The following CDIN1 variants were observed in gnomAD, a reference collection of about 807,000 sequenced individuals.
CDIN1 encodes the protein CDAN1-interacting nuclease 1.
CDIN1 carries 33 observed loss-of-function variants against 45.3 expected under a neutral mutation model. The observed-to-expected ratio is 0.73, with a 90% CI of 0.55 to 0.97. The LOEUF is 0.97. Ranked by LOEUF, CDIN1 falls within the 50% of genes least tolerant of loss-of-function variation. CDIN1 has a pLI of 0.00. For synonymous variants in CDIN1, 118 were observed against 124.4 expected (o/e 0.95, Z 0.34); for missense variants, 303 against 339.4 (o/e 0.89, Z 0.84).
intron 1 of CDIN1, among the ~76,000 whole-genome samples, chr15:36,597,416 G>T (rs1442202817): frequency 6.6e-6 from 1 of 152,158 alleles, no homozygotes; most frequent in Non-Finnish European, 1.5e-5. Context: ...ATCTGTTAAT[G>T]CTGGCACTCA....
intron 10 of CDIN1, among the ~76,000 whole-genome samples, chr15:36,743,916 G>A (rs1174424546): frequency 4.6e-5 from 7 of 150,876 alleles, no homozygotes; most frequent in Non-Finnish European, 7.4e-5. Context: ...AAAAAAACAC[G>A]AGGCTGTCTG....
At chr15:36,593,785 C>T (rs547645844) in intron 1 of CDIN1, among the ~76,000 whole-genome samples, 7 of 152,138 alleles carry the variant, frequency 4.6e-5, no homozygotes, top group East Asian at 1.9e-4. Flanking sequence ...AGGATGGTCT[C>T]GATCTCCTGA....
intron 1 of CDIN1, among the ~76,000 whole-genome samples, chr15:36,616,120 C>T (rs1008985905): frequency 6.6e-6 from 1 of 152,158 alleles, no homozygotes; most frequent in Admixed American, 6.5e-5. Context: ...ATCTCTTAAC[C>T]ACCAGGCTGA....
chr15:36,612,475 A>G (rs572808276), intron 1 of CDIN1, among the ~76,000 whole-genome samples: 38 of 152,228 alleles, frequency 2.5e-4, no homozygotes, highest in Middle Eastern at 6.8e-3. Flanking sequence ...ACCTCACCCC[A>G]TCTATTAGAG....
chr15:36,761,842 G>A (rs2053771859), intron 10 of CDIN1, among the ~76,000 whole-genome samples: 1 of 152,252 alleles, frequency 6.6e-6, no homozygotes, highest in South Asian at 2.1e-4. Flanking sequence ...TCTTGAAAAG[G>A]CCCATTATTT....
chr15:36,751,758 CAAT>C (rs2140972574), intron 10 of CDIN1, among the ~76,000 whole-genome samples: 1 of 152,132 alleles, frequency 6.6e-6, no homozygotes, highest in Admixed American at 6.5e-5. Context: ...AAATGCCCAT[CAAT>C]GATACAGTGA....
chr15:36,706,155 G>A (rs1266255085), intron 8 of CDIN1: 2 of 151,948 alleles, frequency 1.3e-5, no homozygotes, highest in African/African-American at 2.4e-5. Flanking sequence ...TGATTCTCAA[G>A]GAAAACATAA....
At chr15:36,768,408 T>A (rs2141017454) in intron 10 of CDIN1, among the ~76,000 whole-genome samples, 1 of 152,338 alleles carries the variant, frequency 6.6e-6, no homozygotes, top group African/African-American at 2.4e-5. Flanking sequence ...AGACAGATCC[T>A]TCCACTCAGC....
At position 36,809,998 on chromosome 15, in the gene CDIN1, A is replaced by AAAT. The variant is rs2055346368; in HGVS notation, c.*1547_*1549dup. 6.6e-6 allele frequency: 1 copy of AAAT among 151,542 alleles called. No individual in the cohort carries two copies. Among genetic ancestry groups the AAAT allele is most frequent in the South Asian group, 2.1e-4 (1 of 4,804 alleles). 9.4% of individuals were successfully genotyped at this position (151,542 alleles called of 1,614,324 possible). ...AATTCATCATGCAGGCTTCTGAGTG[A>AAAT]AATAGAATGATTTGAAACCACTACT... On this transcript the variant is annotated 3_prime_UTR_variant, in exon 11 of 11. Coordinates refer to ENST00000566621, the MANE Select transcript of CDIN1 (RefSeq NM_001321759.2).
At chr15:36,749,690 CTG>C (rs1240492850) in intron 10 of CDIN1, among the ~76,000 whole-genome samples, 1 of 152,194 alleles carries the variant, frequency 6.6e-6, no homozygotes, top group Non-Finnish European at 1.5e-5. Context: ...AAAAGTACAT[CTG>C]TGTTTTTGTC....
chr15:36,808,590 C>A lies in CDIN1; in HGVS notation c.*137C>A. 8.7e-7 allele frequency: 1 copy of A among 1,144,706 alleles called. No individual in the cohort carries two copies. Among genetic ancestry groups the A allele is most frequent in the South Asian group, 1.5e-5 (1 of 66,010 alleles). The allele number at this position is 1,144,706 out of a possible 1,614,324, so 70.9% of individuals were successfully genotyped here. On this transcript the variant is annotated 3_prime_UTR_variant, in exon 11 of 11. Transcript: ENST00000566621. Reference sequence around the variant, plus strand: ...TTGCTGCCCGTAGTCACACCACTACCTCTTTAGACAAACATATCAAGAGTT... The same window carrying A: ...TTGCTGCCCGTAGTCACACCACTACATCTTTAGACAAACATATCAAGAGTT...
chr15:36,727,082 A>G (rs2043658674), intron 10 of CDIN1, among the ~76,000 whole-genome samples: 1 of 152,110 alleles, frequency 6.6e-6, no homozygotes, highest in African/African-American at 2.4e-5. Flanking sequence ...AATATATTCT[A>G]TCAATTATTT....
At chr15:36,586,964 A>C (rs1706163393) in intron 1 of CDIN1, among the ~76,000 whole-genome samples, 1 of 152,200 alleles carries the variant, frequency 6.6e-6, no homozygotes, top group Non-Finnish European at 1.5e-5. Context: ...AAATAAGTAG[A>C]ATATACCTTG....
chr15:36,710,009 A>C, intron 10 of CDIN1, 48 bp downstream of exon 10: 1 of 1,350,232 alleles, frequency 7.4e-7, no homozygotes, highest in Non-Finnish European at 1.0e-6. Context: ...CTCAGCTGAA[A>C]TCTCATTAGA....
intron 5 of CDIN1, among the ~76,000 whole-genome samples, chr15:36,665,106 A>G (rs530233089): frequency 6.6e-6 from 1 of 152,356 alleles, no homozygotes; most frequent in Non-Finnish European, 1.5e-5. Context: ...TTTTATTGAT[A>G]AAAAGTCGTA....
intron 10 of CDIN1, among the ~76,000 whole-genome samples, chr15:36,757,255 A>G (rs1350015772): frequency 6.6e-6 from 1 of 152,142 alleles, no homozygotes; most frequent in Non-Finnish European, 1.5e-5. Flanking sequence ...CCAGGAATGG[A>G]AAGATGGTGT....
intron 10 of CDIN1, among the ~76,000 whole-genome samples, chr15:36,751,524 T>C (rs1399084758): frequency 1.3e-5 from 2 of 150,804 alleles, no homozygotes; most frequent in Non-Finnish European, 3.0e-5. Flanking sequence ...TGAGACCCCA[T>C]CCCTACTAAA....
chr15:36,715,171 C>T (rs868512840), intron 10 of CDIN1, among the ~76,000 whole-genome samples: 22 of 152,128 alleles, frequency 1.4e-4, no homozygotes, highest in African/African-American at 4.1e-4. Flanking sequence ...TTATGTACCA[C>T]GGAAACGATT....
chr15:36,689,581 C>T (rs1329773189), intron 5 of CDIN1, among the ~76,000 whole-genome samples: 1 of 152,124 alleles, frequency 6.6e-6, no homozygotes, highest in Non-Finnish European at 1.5e-5. Context: ...AGAGAGAGTT[C>T]CCTCTAGAAG....
Sources: gnomAD v4.1 joint callset for allele counts (sites outside exome capture counted in the v4.1 genomes callset) on GRCh38, gnomAD v4.1.1 for gene constraint, MANE v1.5 for transcripts, NCBI Gene and HGNC (gene_info 2026-07-23, HGNC 2026-07-21) for gene names.